The following ZNF618 variants were observed in gnomAD, a reference collection of about 807,000 sequenced individuals.
The protein encoded by ZNF618 is zinc finger protein 618, also known as neural precursor cell expressed, developmentally down-regulated 10.
Under a neutral mutation model 103.0 loss-of-function variants are expected in ZNF618, and 34 were observed. The observed-to-expected ratio is 0.33, with a 90% CI of 0.25 to 0.44. The LOEUF (loss-of-function observed/expected upper bound fraction) is 0.44, where lower values mean the gene tolerates loss of function less well. Among genes scored for constraint, ZNF618 ranks in the 20% least tolerant of loss-of-function variants. ZNF618 has a pLI of 1.00. For synonymous variants in ZNF618, 551 were observed against 542.2 expected (o/e 1.02, Z -0.23); for missense variants, 1,059 against 1,295.4 (o/e 0.82, Z 2.80).
chr9:114,006,187 C>G (rs1841740619), intron 6 of ZNF618, among the ~76,000 whole-genome samples: 2 of 152,238 alleles, frequency 1.3e-5, no homozygotes, highest in African/African-American at 4.8e-5. Context: ...AGGATTGCAT[C>G]AGATCCTGTA....
intron 1 of ZNF618, among the ~76,000 whole-genome samples, chr9:113,879,252 G>A (rs2130756500): frequency 6.6e-6 from 1 of 152,086 alleles, no homozygotes; most frequent in South Asian, 2.1e-4. Flanking sequence ...TAAAAATATT[G>A]CAGCACGTCC....
At chr9:114,027,957 T>A (rs1843661094) in intron 10 of ZNF618, 1 of 152,068 alleles carries the variant, frequency 6.6e-6, no homozygotes, top group South Asian at 2.1e-4. Context: ...TGAGGCCAGG[T>A]TGAAGTGTGG....
intron 10 of ZNF618, among the ~76,000 whole-genome samples, chr9:114,024,478 GT>G (rs1843333267): frequency 6.6e-6 from 1 of 152,180 alleles, no homozygotes; most frequent in South Asian, 2.1e-4. Flanking sequence ...AAAGAGTTTT[GT>G]TCTGGCAGGT....
chr9:113,925,031 A>G (rs536581590), intron 1 of ZNF618, among the ~76,000 whole-genome samples: 36 of 152,110 alleles, frequency 2.4e-4, no homozygotes, highest in African/African-American at 6.3e-4. Context: ...AATAATGTCA[A>G]TTAGATCCAG....
intron 3 of ZNF618, among the ~76,000 whole-genome samples, chr9:113,993,000 C>T (rs773317812): frequency 6.6e-6 from 1 of 152,246 alleles, no homozygotes; most frequent in African/African-American, 2.4e-5. Context: ...CCAAGAGCTT[C>T]CTTTTATAGT....
chr9:114,024,009 A>G (rs1304491834), intron 10 of ZNF618, among the ~76,000 whole-genome samples: 2 of 152,154 alleles, frequency 1.3e-5, no homozygotes, highest in Admixed American at 6.5e-5. Flanking sequence ...TATTTCTTCA[A>G]ATATTTTTCT....
chr9:113,984,741 C>T (rs957006207), intron 2 of ZNF618, among the ~76,000 whole-genome samples: 1 of 152,198 alleles, frequency 6.6e-6, no homozygotes, highest in Non-Finnish European at 1.5e-5. Flanking sequence ...TACTGAGCCT[C>T]AGGGCCCTGA....
Position 113,924,421 on chromosome 9 carries a change from C to G in ZNF618, c.34-44696C>G, listed in dbSNP as rs57163236. ...GTGTCTTCTTCTTCTTCTTCTTCTT[C>G]TTCTTTTTTTTTTTTTTTGGTCTTG... On this transcript the variant is annotated intron_variant, in intron 1 of 14. Coordinates refer to ENST00000374126, the MANE Select transcript of ZNF618 (RefSeq NM_001318042.2). Among the ~76,000 whole-genome samples, 503 of 71,108 alleles carry G rather than the reference C, an allele frequency of 7.1e-3. 5 individuals carry two copies. Among genetic ancestry groups the G allele is most frequent in the African/African-American group, 0.022 (488 of 21,748 alleles). The allele number at this position is 71,108 out of a possible 152,430, so 46.6% of individuals were successfully genotyped here. A position where few individuals can be genotyped will look rare whatever the true frequency, so the allele number is the denominator to read the frequency against.
At chr9:114,018,416 C>G (rs1256907831) in intron 10 of ZNF618, among the ~76,000 whole-genome samples, 16 of 152,266 alleles carry the variant, frequency 1.1e-4, no homozygotes. Flanking sequence ...GGTGCCCAGG[C>G]TGGATGCTAC....
At chr9:113,898,449 T>G (rs1179058751) in intron 1 of ZNF618, among the ~76,000 whole-genome samples, 1 of 151,306 alleles carries the variant, frequency 6.6e-6, no homozygotes, top group Non-Finnish European at 1.5e-5. Flanking sequence ...TTTTTTTTTT[T>G]TTTTTTTAAG....
At chr9:114,019,248 C>G (rs1842884581) in intron 10 of ZNF618, among the ~76,000 whole-genome samples, 1 of 152,196 alleles carries the variant, frequency 6.6e-6, no homozygotes, top group African/African-American at 2.4e-5. Context: ...AGCCATTTAC[C>G]TGTTAATTTG....
At chr9:113,985,976 G>A (rs537994565) in intron 2 of ZNF618, among the ~76,000 whole-genome samples, 35 of 152,334 alleles carry the variant, frequency 2.3e-4, no homozygotes, top group African/African-American at 7.5e-4. Flanking sequence ...ATTGAATCAT[G>A]CAGTTTTACA....
intron 2 of ZNF618, among the ~76,000 whole-genome samples, chr9:113,976,145 C>T (rs1425955448): frequency 6.6e-6 from 1 of 152,192 alleles, no homozygotes; most frequent in Non-Finnish European, 1.5e-5. Context: ...ATGCAAACCA[C>T]AATTCACGTC....
intron 1 of ZNF618, among the ~76,000 whole-genome samples, chr9:113,959,563 G>A (rs1836646593): frequency 6.6e-6 from 1 of 152,134 alleles, no homozygotes; most frequent in African/African-American, 2.4e-5. Flanking sequence ...AGGGGAGGCT[G>A]CTGCCTTTAC....
At chr9:113,948,040 T>C (rs1486783901) in intron 1 of ZNF618, among the ~76,000 whole-genome samples, 1 of 152,124 alleles carries the variant, frequency 6.6e-6, no homozygotes, top group African/African-American at 2.4e-5. Context: ...GCTGGGTAGA[T>C]TGCATGGAAG....
chr9:114,032,805 A>C, intron 12 of ZNF618, 77 bp downstream of exon 12: 3 of 1,325,316 alleles, frequency 2.3e-6, no homozygotes, highest in Non-Finnish European at 3.3e-6. Context: ...CCGCGGCAGC[A>C]TCCTGTGGGC....
In ZNF618 at chr9:114,039,937, G is replaced by C. The variant is rs546144493; in HGVS notation, c.1246+3560G>C. ...TCCAGCCCTTTACAAATGTACATGTGGGGGAGGGGGGAGGACACACAGGAT... is the reference window on the plus strand; with the variant it reads ...TCCAGCCCTTTACAAATGTACATGTCGGGGAGGGGGGAGGACACACAGGAT... On this transcript the variant is annotated intron_variant, in intron 13 of 14. Transcript: ENST00000374126. Among the ~76,000 whole-genome samples the C allele has an allele frequency of 1.9e-4, 29 of 150,904 alleles. No homozygotes were observed. In the East Asian group the frequency reaches 4.1e-3, roughly 21 times the overall value.
At chr9:113,911,163 TA>T (rs1444759935) in intron 1 of ZNF618, among the ~76,000 whole-genome samples, 1 of 152,114 alleles carries the variant, frequency 6.6e-6, no homozygotes, top group Admixed American at 6.5e-5. Flanking sequence ...AGCACTGTCT[TA>T]AAACACAATT....
chr9:114,017,341 C>T (rs762355412), intron 10 of ZNF618, among the ~76,000 whole-genome samples: 5 of 152,082 alleles, frequency 3.3e-5, no homozygotes, highest in Admixed American at 6.6e-5. Context: ...GGGCAGGCTG[C>T]GTCCTGACCC....
Sources: gnomAD v4.1 joint callset for allele counts (sites outside exome capture counted in the v4.1 genomes callset) on GRCh38, gnomAD v4.1.1 for gene constraint, MANE v1.5 for transcripts, NCBI Gene and HGNC (gene_info 2026-07-23, HGNC 2026-07-21) for gene names.